ANKRD33B: variants seen among roughly 807,000 people sequenced by gnomAD.
The protein encoded by ANKRD33B is ankyrin repeat domain 33B.
Under a neutral mutation model 21.5 loss-of-function variants are expected in ANKRD33B, and 6 were observed. The observed-to-expected ratio is 0.28, with a 90% CI of 0.15 to 0.55. The LOEUF (loss-of-function observed/expected upper bound fraction) is 0.55, where lower values mean the gene tolerates loss of function less well. Ranked by LOEUF, ANKRD33B falls within the 20% of genes least tolerant of loss-of-function variation. The probability of loss-of-function intolerance (pLI) is 0.94; values close to 1 mark genes in which losing one functional copy is unlikely to be tolerated. For synonymous variants in ANKRD33B, 347 were observed against 342.4 expected, an observed-to-expected ratio of 1.01 and a Z score of -0.15; for missense variants, 698 against 747.2, an observed-to-expected ratio of 0.93 and a Z score of 0.77.
intron 1 of ANKRD33B, among the ~76,000 whole-genome samples, chr5:10,603,199 G>A (rs962817614): frequency 3.3e-5 from 5 of 151,982 alleles, no homozygotes; most frequent in African/African-American, 4.8e-5. Context: ...CTCACAGCCC[G>A]TGAATCCACT....
chr5:10,588,945 C>T (rs957117221), intron 1 of ANKRD33B, among the ~76,000 whole-genome samples: 7 of 152,120 alleles, frequency 4.6e-5, no homozygotes, highest in African/African-American at 1.2e-4. Flanking sequence ...ACTGCCTCAG[C>T]GTCCATCTGC....
chr5:10,614,288 T>A (rs926945608), intron 1 of ANKRD33B, among the ~76,000 whole-genome samples: 1 of 152,192 alleles, frequency 6.6e-6, no homozygotes, highest in Non-Finnish European at 1.5e-5. Flanking sequence ...GTCTGTTGAT[T>A]TAAATATCAG....
chr5:10,649,932 C>T lies in ANKRD33B; in HGVS notation c.1304C>T (p.Thr435Ile). ...CGAGTCAGCAAGGCGCCCGCGCCCA[C>T]CTTCCAGCCCGAGCGGCCGGCGCGG... ...RVRVSKAPAP[T>I]FQPERPARKG... The change falls in exon 4 of 4, where the codon ACC becomes ATC. Residue 435 changes from threonine (T) to isoleucine (I), a missense_variant. Around this residue, in one of 3 missense-constraint regions of ANKRD33B, gnomAD observed 543 missense variants for 566.5 expected, o/e 0.96. Coordinates refer to ENST00000296657, the MANE Select transcript of ANKRD33B (RefSeq NM_001164440.2). 1 of 1,526,644 alleles carries T rather than the reference C, an allele frequency of 6.6e-7. No individual in the cohort carries two copies. The allele number at this position is 1,526,644 out of a possible 1,614,324, so 94.6% of individuals were successfully genotyped here.
At chr5:10,583,521 A>G (rs970957806) in intron 1 of ANKRD33B, among the ~76,000 whole-genome samples, 4 of 152,166 alleles carry the variant, frequency 2.6e-5, no homozygotes, top group East Asian at 1.9e-4. Flanking sequence ...CTCTGTGACA[A>G]TGAAAGTCTC....
chr5:10,624,804 G>A (rs758769434), intron 2 of ANKRD33B: 1 of 456,738 alleles, frequency 2.2e-6, no homozygotes, highest in South Asian at 1.5e-5. Context: ...GCATCACCTG[G>A]GCTGGCTCAT....
intron 1 of ANKRD33B, among the ~76,000 whole-genome samples, chr5:10,612,550 A>C (rs1736195474): frequency 6.6e-6 from 1 of 152,242 alleles, no homozygotes; most frequent in Admixed American, 6.5e-5. Context: ...CTCTGTCACC[A>C]GAAGAACATT....
chr5:10,619,366 C>T lies in ANKRD33B; in HGVS notation c.496+904C>T. ...AGGGCCTGGAAACTGGAGGAAGTGC[C>T]CCCGACCACACTGTATGTTGATTCT... On this transcript the variant is annotated intron_variant, in intron 2 of 3. Transcript: ENST00000296657. This position sits in a 1 kb window ranked among gnomAD's most constrained non-coding sequence, Gnocchi z 4.5. 2 of 985,386 alleles carry T rather than the reference C, an allele frequency of 2.0e-6. No individual in the cohort carries two copies. Among genetic ancestry groups the T allele is most frequent in the Non-Finnish European group, 2.4e-6 (2 of 829,924 alleles). The allele number at this position is 985,386 out of a possible 1,614,324, so 61.0% of individuals were successfully genotyped here. A position where few individuals can be genotyped will look rare whatever the true frequency, so the allele number is the denominator to read the frequency against.
intron 3 of ANKRD33B, among the ~76,000 whole-genome samples, chr5:10,641,190 T>A (rs530632733): frequency 1.0e-3 from 159 of 151,848 alleles, no homozygotes; most frequent in Non-Finnish European, 1.9e-3. Flanking sequence ...TTAGTTGTCT[T>A]CTTCTTAGTT....
At chr5:10,625,387 A>T (rs1736521972) in intron 2 of ANKRD33B, among the ~76,000 whole-genome samples, 1 of 152,224 alleles carries the variant, frequency 6.6e-6, no homozygotes, top group African/African-American at 2.4e-5. Flanking sequence ...GACCTCATTC[A>T]GTCCTTTCCA....
At chr5:10,617,674 CAG>C (rs1227540709) in intron 1 of ANKRD33B, among the ~76,000 whole-genome samples, 5 of 152,184 alleles carry the variant, frequency 3.3e-5, no homozygotes, top group Non-Finnish European at 7.3e-5. Context: ...TCCCCCTACT[CAG>C]GGGGTCCCCA....
rs1354052103 is a variant in ANKRD33B at position 10,649,696 on chromosome 5, G to T, written c.1068G>T (p.Ala356=). 2 of 1,519,426 alleles carry T rather than the reference G, an allele frequency of 1.3e-6. No individual in the cohort carries two copies. The allele number at this position is 1,519,426 out of a possible 1,614,324, so 94.1% of individuals were successfully genotyped here. A position where few individuals can be genotyped will look rare whatever the true frequency, so the allele number is the denominator to read the frequency against. Reference sequence around the variant, plus strand: ...CGCGGGCTGCACGGGGCCCCCAGGCGCAGGAGGAGGATGAGGTGGGGGGCG... The same window carrying T: ...CGCGGGCTGCACGGGGCCCCCAGGCTCAGGAGGAGGATGAGGTGGGGGGCG... ...LAARAARGPQ[A]QEEDEVGGAG... Residue 356 remains alanine, a synonymous_variant, in exon 4 of 4, where the codon GCG becomes GCT. Transcript: ENST00000296657.
chr5:10,611,460 A>C (rs1053098174), intron 1 of ANKRD33B, among the ~76,000 whole-genome samples: 1 of 151,750 alleles, frequency 6.6e-6, no homozygotes. Context: ...TTTCCCCAAC[A>C]CTGATCTGTG....
chr5:10,612,577 C>G (rs16884988), intron 1 of ANKRD33B, among the ~76,000 whole-genome samples: 7,075 of 152,308 alleles, frequency 0.046, 320 homozygotes, highest in African/African-American at 0.11. Context: ...AGTCTTCATT[C>G]ACGCTGCCCG....
intron 1 of ANKRD33B, among the ~76,000 whole-genome samples, chr5:10,591,486 T>G (rs1735691649): frequency 6.6e-6 from 1 of 152,100 alleles, no homozygotes; most frequent in Non-Finnish European, 1.5e-5. Context: ...CTTTTTAGTG[T>G]TTTTATGATT....
chr5:10,566,348 C>G (rs923817968), intron 1 of ANKRD33B, among the ~76,000 whole-genome samples: 3 of 152,226 alleles, frequency 2.0e-5, no homozygotes, highest in Non-Finnish European at 4.4e-5. Flanking sequence ...GTCCTAGGGC[C>G]TGTTTCTCAA....
At position 10,649,707 on chromosome 5, in the gene ANKRD33B, A is replaced by G. The variant is rs1347028966; in HGVS notation, c.1079A>G (p.Asp360Gly). 1 of 1,515,644 alleles carries G rather than the reference A, an allele frequency of 6.6e-7. No homozygotes were observed. Among genetic ancestry groups the G allele is most frequent in the Admixed American group, 2.0e-5 (1 of 49,670 alleles). The allele number at this position is 1,515,644 out of a possible 1,614,324, so 93.9% of individuals were successfully genotyped here. Residue 360 changes from aspartate to glycine, a missense_variant, in exon 4 of 4, where the codon GAT (aspartate) becomes GGT (glycine). Around this residue, in one of 3 missense-constraint regions of ANKRD33B, gnomAD observed 543 missense variants for 566.5 expected, o/e 0.96. Coordinates refer to ENST00000296657, the MANE Select transcript of ANKRD33B (RefSeq NM_001164440.2). ...AARGPQAQEE[D>G]EVGGAGQRGR... is the part of the protein sequence containing the mutation. The stretch of plus-strand genomic sequence containing the variant: ...CGGGGCCCCCAGGCGCAGGAGGAGG[A>G]TGAGGTGGGGGGCGCGGGGCAGCGC...
chr5:10,564,716 C>T lies in ANKRD33B; in HGVS notation c.249C>T (p.Val83=). The stretch of plus-strand genomic sequence containing the variant: ...TCCCGGAGGGCGTCCCGGAAAGCGT[C>T]CCGGAGACGGCGACCCTCCTGCGCG... The part of the protein sequence containing the change: ...ESVPEGVPES[V]PETATLLRAA... The change falls in exon 1 of 4, where the codon GTC becomes GTT. Residue 83 remains valine (V), a synonymous_variant. Coordinates refer to ENST00000296657, the MANE Select transcript of ANKRD33B (RefSeq NM_001164440.2). The T allele has an allele frequency of 6.5e-7, 1 of 1,533,626 alleles. No individual in the cohort carries two copies. The highest frequency in any genetic ancestry group is 2.4e-5 in the East Asian group (1 of 40,852).
At chr5:10,570,265 C>T (rs1319074543) in intron 1 of ANKRD33B, among the ~76,000 whole-genome samples, 3 of 152,232 alleles carry the variant, frequency 2.0e-5, no homozygotes, top group Admixed American at 1.3e-4. Flanking sequence ...CAGGTGTTTA[C>T]AACTGTAAAT....
Position 10,564,544 on chromosome 5 carries a change from G to A in ANKRD33B, c.77G>A (p.Arg26Gln). 6.5e-7 allele frequency: 1 copy of A among 1,532,814 alleles called. No homozygotes were observed. Among genetic ancestry groups the A allele is most frequent in the Non-Finnish European group, 8.7e-7 (1 of 1,145,884 alleles). 95.0% of individuals were successfully genotyped at this position (1,532,814 alleles called of 1,614,324 possible). ...CMTPPPPSPP[R>Q]GAQVEEDPAD... ...ACCCCACCACCGCCGTCCCCACCCC[G>A]GGGCGCGCAGGTCGAGGAGGACCCC... The change falls in exon 1 of 4, where the codon CGG becomes CAG. Residue 26 changes from arginine (R) to glutamine (Q), a missense_variant. Arg to Gln is a conservative substitution (Grantham distance 43). Coordinates refer to ENST00000296657, the MANE Select transcript of ANKRD33B (RefSeq NM_001164440.2).
Sources: gnomAD v4.1 joint callset for allele counts (sites outside exome capture counted in the v4.1 genomes callset) on GRCh38, gnomAD v4.1.1 for gene constraint, gnomAD v4.1.1 regional missense constraint, Gnocchi (gnomAD v3.1) non-coding constraint, MANE v1.5 for transcripts, NCBI Gene and HGNC (gene_info 2026-07-23, HGNC 2026-07-21) for gene names.